TTL: variants seen among roughly 807,000 people sequenced by gnomAD.
TTL encodes tubulin tyrosine ligase.
In TTL, 10 loss-of-function variants were observed where a neutral mutation model predicts 41.1. The ratio of observed to expected loss-of-function variants is 0.24; its 90% CI spans 0.15 to 0.41. The LOEUF is 0.41. Among genes scored for constraint, TTL ranks in the 10% least tolerant of loss-of-function variants. The pLI is 1.00. For synonymous variants in TTL, 175 were observed against 175.5 expected (o/e 1.00, Z 0.02); for missense variants, 367 against 460.4 (o/e 0.80, Z 1.86).
intron 5 of TTL, among the ~76,000 whole-genome samples, chr2:112,512,024 T>G (rs1181211827): frequency 6.6e-6 from 1 of 152,116 alleles, no homozygotes; most frequent in Non-Finnish European, 1.5e-5. Context: ...AGGTATTATA[T>G]TCTATATTTA....
chr2:112,502,662 T>C (rs200866900), intron 4 of TTL, among the ~76,000 whole-genome samples: 1 of 53,442 alleles, frequency 1.9e-5, no homozygotes, highest in Non-Finnish European at 3.7e-5. Context: ...AATCATCTGA[T>C]TTTTTTATCT....
intron 5 of TTL, among the ~76,000 whole-genome samples, chr2:112,519,921 G>A (rs934448402): frequency 6.6e-6 from 1 of 151,832 alleles, no homozygotes; most frequent in African/African-American, 2.4e-5. Flanking sequence ...ACCTGAGGTC[G>A]GGAGTTCGAG....
At chr2:112,518,792 A>G (rs1051948103) in intron 5 of TTL, among the ~76,000 whole-genome samples, 1 of 151,230 alleles carries the variant, frequency 6.6e-6, no homozygotes, top group South Asian at 2.1e-4. Context: ...CTCCTGCCTC[A>G]GCGTCTGGAG....
intron 5 of TTL, among the ~76,000 whole-genome samples, chr2:112,509,502 G>C (rs892145159): frequency 3.3e-5 from 5 of 152,210 alleles, no homozygotes; most frequent in Admixed American, 1.3e-4. Context: ...GCCAGGTGTG[G>C]GATATAATCT....
Position 112,534,366 on chromosome 2 carries a change from A to G in TTL, c.*5571A>G, listed in dbSNP as rs1176573122. On this transcript the variant is annotated 3_prime_UTR_variant, in exon 7 of 7. Coordinates refer to ENST00000233336, the MANE Select transcript of TTL (RefSeq NM_153712.5). ...AAAAAGGAAAGGGTTGCATCTGGGTAAGAAAAGCAAGCTTTCTGACATTTT... is the reference window on the plus strand; with the variant it reads ...AAAAAGGAAAGGGTTGCATCTGGGTGAGAAAAGCAAGCTTTCTGACATTTT... 1 of 151,972 alleles carries G rather than the reference A, an allele frequency of 6.6e-6. No homozygotes were observed. The highest frequency in any genetic ancestry group is 6.6e-5 in the Admixed American group (1 of 15,216). The allele number at this position is 151,972 out of a possible 1,614,324, so 9.4% of individuals were successfully genotyped here. A position where few individuals can be genotyped will look rare whatever the true frequency, so the allele number is the denominator to read the frequency against.
intron 4 of TTL, 39 bp from the exon 5 acceptor site, chr2:112,502,873 G>A: frequency 6.4e-7 from 1 of 1,573,274 alleles, no homozygotes. Context: ...CAGAAACTTT[G>A]GATGACTTGA....
At position 112,521,765 on chromosome 2, in the gene TTL, A is replaced by T. The variant is rs551710111; in HGVS notation, c.1019+1340A>T. On this transcript the variant is annotated intron_variant, in intron 6 of 6. Coordinates refer to ENST00000233336, the MANE Select transcript of TTL (RefSeq NM_153712.5). The stretch of plus-strand genomic sequence containing the variant: ...TTTCGTGGGGAGAGACTGTGAGCAG[A>T]CAGATACCAGGCAGATGTCAATTAC... 1.6e-4 allele frequency among the ~76,000 whole-genome samples: 24 copies of T among 152,332 alleles called. No individual in the cohort carries two copies. The East Asian group carries it at 2.3e-3, about 15-fold the overall frequency.
chr2:112,541,203 AGGC>A lies in TTL; in HGVS notation c.*12409_*12411del, dbSNP rs1435946246. The A allele has an allele frequency of 1.6e-4, 24 of 152,210 alleles. No individual in the cohort carries two copies. The highest frequency in any genetic ancestry group is 5.5e-4 in the African/African-American group (23 of 41,456). The allele number at this position is 152,210 out of a possible 1,614,324, so 9.4% of individuals were successfully genotyped here. On this transcript the variant is annotated 3_prime_UTR_variant, in exon 7 of 7. Transcript: ENST00000233336. ...TGTCTTAGATATGATATAAAAAGAC[AGGC>A]AACAAAAGAAAAAAACTACACTTCA...
intron 3 of TTL, among the ~76,000 whole-genome samples, chr2:112,497,730 C>T (rs1265199688): frequency 6.6e-6 from 1 of 151,344 alleles, no homozygotes; most frequent in Non-Finnish European, 1.5e-5. Context: ...TTGAAAAGGG[C>T]GTTAACGTTT....
chr2:112,495,001 A>G (rs867221851), intron 3 of TTL, among the ~76,000 whole-genome samples: 4 of 152,166 alleles, frequency 2.6e-5, no homozygotes, highest in Admixed American at 2.6e-4. Flanking sequence ...CTGGCTTCCT[A>G]ATGCAATTAG....
In TTL at chr2:112,531,276, A is replaced by G. The variant is rs1682503320; in HGVS notation, c.*2481A>G. ...CATACTTTTGGTCCATGTAAGTGCT[A>G]CCCGTTGCTGGGGGAGGAGTCATGG... On this transcript the variant is annotated 3_prime_UTR_variant, in exon 7 of 7. Coordinates refer to ENST00000233336, the MANE Select transcript of TTL (RefSeq NM_153712.5). The G allele has an allele frequency of 4.4e-6, 1 of 226,960 alleles. No homozygotes were observed. The highest frequency in any genetic ancestry group is 2.2e-5 in the African/African-American group (1 of 44,966). The allele number at this position is 226,960 out of a possible 1,614,324, so 14.1% of individuals were successfully genotyped here.
rs188516849 is a variant in TTL, at chr2:112,520,470, C to T, written c.1019+45C>T. 65 of 1,605,556 alleles carry T rather than the reference C, an allele frequency of 4.0e-5. No individual in the cohort carries two copies. The African/African-American group carries it at 6.1e-4, about 15-fold the overall frequency. On this transcript the variant is annotated intron_variant, in intron 6 of 6. Transcript: ENST00000233336. ...TGTTTTTACAAGTGGGAAGTTGGTTCTGCAGTTGGGATAGTCTGTGGGTAC... is the reference window on the plus strand; with the variant it reads ...TGTTTTTACAAGTGGGAAGTTGGTTTTGCAGTTGGGATAGTCTGTGGGTAC...
At chr2:112,515,285 A>G (rs1004771007) in intron 5 of TTL, among the ~76,000 whole-genome samples, 9 of 152,280 alleles carry the variant, frequency 5.9e-5, no homozygotes, top group East Asian at 1.9e-4. Context: ...TGTTTTTTAT[A>G]TATTAAAGAT....
intron 6 of TTL, among the ~76,000 whole-genome samples, chr2:112,524,294 C>A (rs933131924): frequency 2.0e-5 from 3 of 152,148 alleles, no homozygotes; most frequent in African/African-American, 7.2e-5. Flanking sequence ...ATTTATAATC[C>A]TTTGGGTATA....
chr2:112,484,482 C>G (rs181764107), intron 1 of TTL, among the ~76,000 whole-genome samples: 1 of 152,074 alleles, frequency 6.6e-6, no homozygotes, highest in Non-Finnish European at 1.5e-5. Flanking sequence ...TCAGGCTGGT[C>G]TCGAACTCCT....
chr2:112,484,616 A>G (rs1389240234), intron 1 of TTL, among the ~76,000 whole-genome samples: 4 of 152,114 alleles, frequency 2.6e-5, no homozygotes, highest in Admixed American at 6.5e-5. Flanking sequence ...AAAATTGGTT[A>G]TATGCCATCA....
intron 1 of TTL, chr2:112,483,472 A>G (rs374810285): frequency 6.6e-6 from 1 of 152,274 alleles, no homozygotes; most frequent in South Asian, 2.1e-4. Flanking sequence ...GTGGGGGCCA[A>G]TTGTATTCCA....
chr2:112,539,111 T>TA lies in TTL; in HGVS notation c.*10340dup, dbSNP rs59249426. On this transcript the variant is annotated 3_prime_UTR_variant, in exon 7 of 7. Transcript: ENST00000233336. ...CAGCCTGGGTGACAGAGACTCTGTCTAAAAAAAAAAAAAAAAAAAAAAAAG... is the reference window on the plus strand; with the variant it reads ...CAGCCTGGGTGACAGAGACTCTGTCTAAAAAAAAAAAAAAAAAAAAAAAAAG... 7,734 of 75,550 alleles carry TA rather than the reference T, an allele frequency of 0.1. 465 individuals carry two copies. The highest frequency in any genetic ancestry group is 0.14 in the Middle Eastern group (21 of 146). The allele number at this position is 75,550 out of a possible 1,614,324, so 4.7% of individuals were successfully genotyped here. A position where few individuals can be genotyped will look rare whatever the true frequency, so the allele number is the denominator to read the frequency against.
intron 3 of TTL, 106 bp from the exon 4 acceptor site, chr2:112,501,100 T>C: frequency 1.7e-6 from 2 of 1,145,466 alleles, no homozygotes; most frequent in Non-Finnish European, 2.4e-6. Context: ...GAGCGGGACA[T>C]TGAAAGCCTC....
Sources: allele counts gnomAD v4.1 joint callset (sites outside exome capture counted in the v4.1 genomes callset), GRCh38; gene constraint gnomAD v4.1.1; transcripts MANE v1.5; gene names NCBI Gene and HGNC (gene_info 2026-07-23, HGNC 2026-07-21).